STAM: variants seen among roughly 807,000 people sequenced by gnomAD.
STAM encodes signal transducing adaptor molecule.
In STAM, 16 loss-of-function variants were observed where a neutral mutation model predicts 63.4. The observed-to-expected ratio is 0.25, with a 90% CI of 0.17 to 0.38. The LOEUF is 0.38. Among genes scored for constraint, STAM ranks in the 10% least tolerant of loss-of-function variants. The pLI, the probability that STAM is intolerant of heterozygous loss-of-function variation, is 1.00. For synonymous variants in STAM, 238 were observed against 223.9 expected (o/e 1.06, Z -0.56); for missense variants, 636 against 657.1 (o/e 0.97, Z 0.35).
chr10:17,707,946 A>G (rs1374622613), intron 12 of STAM, among the ~76,000 whole-genome samples: 2 of 151,554 alleles, frequency 1.3e-5, no homozygotes, highest in Admixed American at 1.3e-4. Context: ...GCTGGAGTGC[A>G]GTGGCGCGAT....
intron 2 of STAM, among the ~76,000 whole-genome samples, chr10:17,675,129 G>GAAAAGAAA (rs1834793898): frequency 6.6e-6 from 1 of 152,172 alleles, no homozygotes; most frequent in Admixed American, 6.5e-5. Flanking sequence ...CTTTCATGGT[G>GAAAAGAAA]CCTTTTCATC....
intron 7 of STAM, chr10:17,695,582 G>T: frequency 5.8e-6 from 1 of 173,416 alleles, no homozygotes; most frequent in Non-Finnish European, 1.2e-5. Context: ...CAATTTGTAA[G>T]AAATATATAA....
chr10:17,648,146 G>T (rs964770179), intron 1 of STAM, among the ~76,000 whole-genome samples: 3 of 152,132 alleles, frequency 2.0e-5, no homozygotes, highest in African/African-American at 7.2e-5. Context: ...AATATATCCA[G>T]AATTTCATTG....
At position 17,714,956 on chromosome 10, in the gene STAM, T is replaced by A. The variant is rs908950904; in HGVS notation, c.*176T>A. 1.6e-6 allele frequency: 1 copy of A among 626,618 alleles called. No individual in the cohort carries two copies. The highest frequency in any genetic ancestry group is 2.8e-6 in the Non-Finnish European group (1 of 360,030). 38.8% of individuals were successfully genotyped at this position (626,618 alleles called of 1,614,324 possible). On this transcript the variant is annotated 3_prime_UTR_variant, in exon 14 of 14. Transcript: ENST00000377524. ...CAATTTACACTGACTTTTTAGAGGT[T>A]CTTCCCCCCCCGCCCCTGCAGAGGA...
intron 1 of STAM, among the ~76,000 whole-genome samples, chr10:17,648,576 C>A (rs1833612262): frequency 6.6e-6 from 1 of 152,180 alleles, no homozygotes; most frequent in Admixed American, 6.5e-5. Flanking sequence ...TGGCTTCATT[C>A]TTGACGTCAG....
intron 1 of STAM, among the ~76,000 whole-genome samples, chr10:17,656,472 C>T (rs1833944825): frequency 6.6e-6 from 1 of 152,004 alleles, no homozygotes; most frequent in Non-Finnish European, 1.5e-5. Flanking sequence ...CCTCTCCACT[C>T]CTCCCCCTGC....
At position 17,714,885 on chromosome 10, in the gene STAM, T is replaced by C; in HGVS notation, c.*105T>C. On this transcript the variant is annotated 3_prime_UTR_variant, in exon 14 of 14. Coordinates refer to ENST00000377524, the MANE Select transcript of STAM (RefSeq NM_003473.4). ...TGTTTATCCTCAGCTTATAGGAATC[T>C]CTCCAGGTCAACAGGTTCAAATATT... 1.8e-6 allele frequency: 2 copies of C among 1,115,422 alleles called. No individual in the cohort carries two copies. The highest frequency in any genetic ancestry group is 2.7e-5 in the South Asian group (2 of 74,546). 69.1% of individuals were successfully genotyped at this position (1,115,422 alleles called of 1,614,324 possible).
Position 17,644,255 on chromosome 10 carries a change from C to A in STAM, c.-85C>A. ...AGTCGGTCTCTGTTGCTCTTTTTGC[C>A]TGAGGAGTCTTCCATCCTACGTCGA... On this transcript the variant is annotated 5_prime_UTR_variant, in exon 1 of 14. The change creates a new upstream start codon in the 5' untranslated region. Coordinates refer to ENST00000377524, the MANE Select transcript of STAM (RefSeq NM_003473.4). The A allele has an allele frequency of 3.4e-6, 5 of 1,480,718 alleles. No homozygotes were observed. The highest frequency in any genetic ancestry group is 4.7e-6 in the Non-Finnish European group (5 of 1,062,044). 91.7% of individuals were successfully genotyped at this position (1,480,718 alleles called of 1,614,324 possible).
At position 17,660,468 on chromosome 10, in the gene STAM, A is replaced by G; in HGVS notation, c.45A>G (p.Lys15=). Residue 15 remains lysine, a synonymous_variant, in exon 2 of 14, where the codon AAA becomes AAG. Transcript: ENST00000377524. ...ATNPFDQDVE[K]ATSEMNTAED... ...AATCCCCTTTACAATCTACAGAGAA[A>G]GCAACCAGCGAGATGAATACTGCTG... 1.9e-6 allele frequency: 3 copies of G among 1,586,194 alleles called. No individual in the cohort carries two copies. The highest frequency in any genetic ancestry group is 2.6e-6 in the Non-Finnish European group (3 of 1,168,808).
intron 2 of STAM, among the ~76,000 whole-genome samples, chr10:17,683,460 G>A (rs908114612): frequency 6.6e-6 from 1 of 151,998 alleles, no homozygotes; most frequent in African/African-American, 2.4e-5. Flanking sequence ...CTGCACCCAA[G>A]CTATTTTATT....
At chr10:17,688,486 G>A (rs185113544) in intron 5 of STAM, among the ~76,000 whole-genome samples, 38 of 152,014 alleles carry the variant, frequency 2.5e-4, no homozygotes, top group Admixed American at 2.2e-3. Flanking sequence ...TTTTTGAGAC[G>A]GAGTCTTTGT....
rs146234865 is a variant in STAM at position 17,705,669 on chromosome 10, G to T, written c.1137G>T (p.Pro379=). The change falls in exon 12 of 14, where the codon CCG becomes CCT. Residue 379 remains proline (P), a synonymous_variant. Transcript: ENST00000377524. ...SLYTKLMNED[P]MYSMYAKLQN... ...ATACCAAGTTAATGAACGAAGATCC[G>T]ATGTATTCCATGTATGCAAAGTTAC... The T allele has an allele frequency of 5.6e-6, 9 of 1,613,962 alleles. No homozygotes were observed. The Admixed American group carries it at 8.3e-5, about 15-fold the overall frequency.
At chr10:17,684,970 T>C (rs782653338) in intron 4 of STAM, 43 bp downstream of exon 4, 25 of 1,488,264 alleles carry the variant, frequency 1.7e-5, no homozygotes, top group Non-Finnish European at 2.3e-5. Flanking sequence ...GCAGTCTTCT[T>C]TCTTCACATA....
intron 13 of STAM, among the ~76,000 whole-genome samples, chr10:17,711,254 G>A (rs1836542188): frequency 6.6e-6 from 1 of 152,200 alleles, no homozygotes; most frequent in Non-Finnish European, 1.5e-5. Flanking sequence ...GTTAGTTGGG[G>A]AAGGTGTCAC....
At chr10:17,682,790 A>G (rs1185862046) in intron 2 of STAM, among the ~76,000 whole-genome samples, 6 of 152,170 alleles carry the variant, frequency 3.9e-5, no homozygotes, top group Non-Finnish European at 8.8e-5. Flanking sequence ...CAGGTATTCC[A>G]TATCAGTACT....
At position 17,646,086 on chromosome 10, in the gene STAM, CT is replaced by C. The variant is rs1833509490; in HGVS notation, c.40+1709del. Among the ~76,000 whole-genome samples, 3 of 152,208 alleles carry C rather than the reference CT, an allele frequency of 2.0e-5. No homozygotes were observed. In the South Asian group the frequency reaches 6.2e-4, roughly 32 times the overall value. ...CTTGCCTTTATGCTTTTGTCCTACG[CT>C]TATGCTTTCTTTTATCTTTCAACAT... On this transcript the variant is annotated intron_variant, in intron 1 of 13. Coordinates refer to ENST00000377524, the MANE Select transcript of STAM (RefSeq NM_003473.4).
Position 17,714,991 on chromosome 10 carries a change from CT to C in STAM, c.*213del. 1 of 559,936 alleles carries C rather than the reference CT, an allele frequency of 1.8e-6. No homozygotes were observed. Among genetic ancestry groups the C allele is most frequent in the South Asian group, 2.1e-5 (1 of 48,088 alleles). 34.7% of individuals were successfully genotyped at this position (559,936 alleles called of 1,614,324 possible). A position where few individuals can be genotyped will look rare whatever the true frequency, so the allele number is the denominator to read the frequency against. On this transcript the variant is annotated 3_prime_UTR_variant, in exon 14 of 14. Coordinates refer to ENST00000377524, the MANE Select transcript of STAM (RefSeq NM_003473.4). ...CCGCCCCTGCAGAGGAATGAAACTA[CT>C]TACAACATTTAATTCCTTTCATAAT... is the stretch of plus-strand genomic sequence containing the variant.
intron 9 of STAM, among the ~76,000 whole-genome samples, chr10:17,702,848 A>C (rs1836061982): frequency 6.6e-6 from 1 of 152,102 alleles, no homozygotes; most frequent in South Asian, 2.1e-4. Flanking sequence ...TCTCTACTAA[A>C]AATACAAAGA....
intron 1 of STAM, among the ~76,000 whole-genome samples, chr10:17,650,881 T>C (rs923800121): frequency 2.8e-4 from 42 of 152,096 alleles, no homozygotes; most frequent in Admixed American, 1.6e-3. Context: ...CTGGCTAACA[T>C]GGTGAAACCC....
Sources: allele counts gnomAD v4.1 joint callset (sites outside exome capture counted in the v4.1 genomes callset), GRCh38; gene constraint gnomAD v4.1.1; transcripts MANE v1.5; gene names NCBI Gene and HGNC (gene_info 2026-07-23, HGNC 2026-07-21).